CCDC144A: variants seen among roughly 807,000 people sequenced by gnomAD.
CCDC144A encodes coiled-coil domain containing 144A.
Under a neutral mutation model 143.8 loss-of-function variants are expected in CCDC144A, and 41 were observed. The ratio of observed to expected loss-of-function variants is 0.29; its 90% CI spans 0.22 to 0.37. The LOEUF is 0.37. Among genes scored for constraint, CCDC144A ranks in the 10% least tolerant of loss-of-function variants. CCDC144A has a pLI of 1.00. For synonymous variants in CCDC144A, 242 were observed against 517.9 expected (o/e 0.47, Z 7.23); for missense variants, 637 against 1,488.8 (o/e 0.43, Z 9.41).
At chr17:16,669,742 T>C in the CCDC144A span, among the ~76,000 whole-genome samples, 4 of 152,196 alleles carry the variant, frequency 2.6e-5, no homozygotes, top group Admixed American at 1.3e-4. Flanking sequence ...GGTATCTAGA[T>C]AGATCAGACA....
At chr17:16,743,826 A>G (rs118072143) in intron 12 of CCDC144A, among the ~76,000 whole-genome samples, 5,684 of 152,116 alleles carry the variant, frequency 0.037, 176 homozygotes, top group African/African-American at 0.093. Context: ...TTTTTCAACC[A>G]TTGTCCAACC....
intron 9 of CCDC144A, among the ~76,000 whole-genome samples, chr17:16,729,359 AAT>A (rs1424553678): frequency 2.0e-5 from 3 of 152,062 alleles, no homozygotes; most frequent in Admixed American, 6.5e-5. Context: ...AGCATTTTTA[AAT>A]ATGTTTGTTG....
chr17:16,696,757 G>A (rs1038164937), intron 2 of CCDC144A, among the ~76,000 whole-genome samples: 17 of 151,958 alleles, frequency 1.1e-4, no homozygotes, highest in Non-Finnish European at 1.6e-4. Context: ...CTAACTAACA[G>A]TGGCTAAAAC....
intron 14 of CCDC144A, among the ~76,000 whole-genome samples, chr17:16,762,981 G>A (rs532451206): frequency 2.7e-5 from 4 of 147,746 alleles, no homozygotes; most frequent in South Asian, 2.2e-4. Flanking sequence ...GGTCAAGTAC[G>A]ACTACTCTGG....
chr17:16,764,429 G>A (rs1410547008), intron 15 of CCDC144A: 2 of 458,254 alleles, frequency 4.4e-6, no homozygotes. Flanking sequence ...TTTAAAAACT[G>A]CATTTAAGTT....
intron 8 of CCDC144A, 105 bp downstream of exon 8, chr17:16,720,763 C>T (rs1177845677): frequency 1.4e-5 from 22 of 1,544,714 alleles, no homozygotes; most frequent in South Asian, 5.1e-5. Context: ...CTCAGAAATA[C>T]GCTCAGTGTT....
chr17:16,719,459 G>A (rs1238710396), intron 6 of CCDC144A, among the ~76,000 whole-genome samples: 1 of 152,172 alleles, frequency 6.6e-6, no homozygotes, highest in Non-Finnish European at 1.5e-5. Context: ...GGGTTCATCT[G>A]CTATCATCTC....
intron 12 of CCDC144A, among the ~76,000 whole-genome samples, chr17:16,749,931 A>G (rs1201398961): frequency 6.6e-6 from 1 of 152,216 alleles, no homozygotes; most frequent in Non-Finnish European, 1.5e-5. Flanking sequence ...TTTTATTTGC[A>G]TGACAGATCT....
Position 16,693,041 on chromosome 17 carries a change from A to G in CCDC144A, c.407A>G (p.Asn136Ser). The G allele has an allele frequency of 1.3e-6, 2 of 1,539,058 alleles. No individual in the cohort carries two copies. The highest frequency in any genetic ancestry group is 2.5e-5 in the South Asian group (2 of 79,204). ...KQTPESLPQN[N>S]NPDWHPTNLT... ...ACACCTGAAAGTCTTCCTCAAAATAACAATCCAGGTAAGACTTCTGATAGT... is the reference window on the plus strand; with the variant it reads ...ACACCTGAAAGTCTTCCTCAAAATAGCAATCCAGGTAAGACTTCTGATAGT... The change falls in exon 2 of 17, where the codon AAC (asparagine) becomes AGC (serine). Residue 136 changes from asparagine (N) to serine (S), a missense_variant. By Grantham distance (46) the Asn-to-Ser change is conservative. Coordinates refer to ENST00000399273, the MANE Select transcript of CCDC144A (RefSeq NM_001382000.1).
rs1167527388 is a variant in CCDC144A at position 16,725,002 on chromosome 17, A to ATTTTT, written c.1892-2497_1892-2493dup. 5.1e-3 allele frequency among the ~76,000 whole-genome samples: 189 copies of ATTTTT among 37,288 alleles called. 7 individuals are homozygous for ATTTTT. Among genetic ancestry groups the ATTTTT allele is most frequent in the Non-Finnish European group, 7.3e-3 (139 of 18,940 alleles). 24.5% of individuals were successfully genotyped at this position (37,288 alleles called of 152,430 possible). A position where few individuals can be genotyped will look rare whatever the true frequency, so the allele number is the denominator to read the frequency against. On this transcript the variant is annotated intron_variant, in intron 8 of 16. Coordinates refer to ENST00000399273, the MANE Select transcript of CCDC144A (RefSeq NM_001382000.1). ...AGGAAATGACTGTTTATAGCTGGTA[A>ATTTTT]TTTTTTTTTTTTTTTTTTTTTTTTT... is the stretch of plus-strand genomic sequence containing the variant.
At chr17:16,770,059 C>G (rs534319882) in intron 15 of CCDC144A, among the ~76,000 whole-genome samples, 144 of 151,838 alleles carry the variant, frequency 9.5e-4, no homozygotes, top group African/African-American at 3.3e-3. Flanking sequence ...AACTCCTAAC[C>G]TTGTGATCCA....
intron 12 of CCDC144A, among the ~76,000 whole-genome samples, chr17:16,744,738 T>C (rs1372262932): frequency 2.6e-5 from 4 of 152,064 alleles, no homozygotes; most frequent in Non-Finnish European, 4.4e-5. Flanking sequence ...TTCTTTTTTT[T>C]TTTCTTTAAC....
intron 6 of CCDC144A, among the ~76,000 whole-genome samples, chr17:16,713,893 A>C (rs1181252766): frequency 6.6e-6 from 1 of 152,206 alleles, no homozygotes; most frequent in Non-Finnish European, 1.5e-5. Flanking sequence ...TCATGGATTC[A>C]GATTTCTTGT....
chr17:16,759,594 T>C (rs200161478), intron 12 of CCDC144A, among the ~76,000 whole-genome samples: 2,920 of 146,972 alleles, frequency 0.02, 4 homozygotes, highest in Non-Finnish European at 0.027. Flanking sequence ...CCCGTATCGT[T>C]TTCTTCACTA....
At chr17:16,700,021 G>A (rs974356595) in intron 2 of CCDC144A, among the ~76,000 whole-genome samples, 1 of 152,174 alleles carries the variant, frequency 6.6e-6, no homozygotes, top group East Asian at 1.9e-4. Context: ...ATTGTATAAT[G>A]CAATTGTATC....
chr17:16,700,984 TATTC>T (rs1340363522), intron 2 of CCDC144A, among the ~76,000 whole-genome samples: 1 of 150,568 alleles, frequency 6.6e-6, no homozygotes, highest in African/African-American at 2.4e-5. Context: ...TAAGATCAGA[TATTC>T]AATCATTTTT....
chr17:16,759,905 C>G (rs554536075), intron 12 of CCDC144A, among the ~76,000 whole-genome samples: 1 of 152,226 alleles, frequency 6.6e-6, no homozygotes, highest in Non-Finnish European at 1.5e-5. Context: ...GTGGGGCCAA[C>G]TCCCTTTTTC....
At chr17:16,746,793 C>T (rs541467774) in intron 12 of CCDC144A, 10 of 1,510,310 alleles carry the variant, frequency 6.6e-6, no homozygotes, top group Admixed American at 1.8e-5. Context: ...CCCACCGGGG[C>T]GGAGCGTGGA....
chr17:16,679,525 C>A, the CCDC144A span, among the ~76,000 whole-genome samples: 3 of 151,642 alleles, frequency 2.0e-5, no homozygotes, highest in Non-Finnish European at 4.4e-5. Flanking sequence ...CACAGAGGGG[C>A]CTTAACACCA....
Sources: allele counts gnomAD v4.1 joint callset (sites outside exome capture counted in the v4.1 genomes callset), GRCh38; gene constraint gnomAD v4.1.1; transcripts MANE v1.5; gene names NCBI Gene and HGNC (gene_info 2026-07-23, HGNC 2026-07-21).